PRSS23: variants seen among roughly 807,000 people sequenced by gnomAD.
The protein encoded by PRSS23 is serine protease 23, also known as protease, serine 23.
PRSS23 carries 25 observed loss-of-function variants against 34.7 expected under a neutral mutation model. The ratio of observed to expected loss-of-function variants is 0.72; its 90% CI spans 0.53 to 1.01. The LOEUF (loss-of-function observed/expected upper bound fraction) is 1.01, where lower values mean the gene tolerates loss of function less well. Ranked by LOEUF, PRSS23 falls within the 50% of genes least tolerant of loss-of-function variation. PRSS23 has a pLI of 0.00. For synonymous variants in PRSS23, 176 were observed against 186.6 expected (o/e 0.94, Z 0.46); for missense variants, 445 against 475.6 (o/e 0.94, Z 0.60).
At chr11:86,882,973 A>G (rs1317334874) in intron 2 of PRSS23, among the ~76,000 whole-genome samples, 3 of 152,024 alleles carry the variant, frequency 2.0e-5, no homozygotes, top group Middle Eastern at 3.2e-3. Flanking sequence ...GCTTTTTTTC[A>G]TACACTTTTT....
intron 2 of PRSS23, among the ~76,000 whole-genome samples, chr11:86,895,377 T>C (rs1948867228): frequency 6.6e-6 from 1 of 152,140 alleles, no homozygotes; most frequent in Non-Finnish European, 1.5e-5. Flanking sequence ...GAGCCTATTG[T>C]ATACACAATG....
chr11:86,895,882 G>A (rs1948872002), intron 2 of PRSS23, among the ~76,000 whole-genome samples: 1 of 152,136 alleles, frequency 6.6e-6, no homozygotes. Flanking sequence ...CAGATATGAA[G>A]ATGAATTAAC....
At position 86,839,960 on chromosome 11, in the gene PRSS23, A is replaced by G. The variant is rs577762070; in HGVS notation, c.206+16367A>G. Reference sequence around the variant, plus strand: ...AGAGCTCCTGAAGGAAGCACTAAACATGGAAAGGAACAACCTGTACCAGCC... The same window carrying G: ...AGAGCTCCTGAAGGAAGCACTAAACGTGGAAAGGAACAACCTGTACCAGCC... On this transcript the variant is annotated intron_variant, in intron 2 of 2. Transcript: ENST00000533902. Among the ~76,000 whole-genome samples, 19 of 151,918 alleles carry G rather than the reference A, an allele frequency of 1.3e-4. 1 individual carries two copies. In the East Asian group the frequency reaches 2.7e-3, roughly 22 times the overall value.
chr11:86,812,631 T>C (rs1412982093), downstream of PRSS23, among the ~76,000 whole-genome samples: 1 of 150,066 alleles, frequency 6.7e-6, no homozygotes, highest in Non-Finnish European at 1.5e-5. Flanking sequence ...CTACTAAAAA[T>C]ACAAAAATTG....
At chr11:86,821,435 C>A (rs1948250879) in intron 1 of PRSS23, 4 of 1,558,008 alleles carry the variant, frequency 2.6e-6, no homozygotes, top group Non-Finnish European at 3.5e-6. Flanking sequence ...ACATGCAGCA[C>A]CATCAAGTAT....
chr11:86,881,647 T>C (rs1948772808), intron 2 of PRSS23, among the ~76,000 whole-genome samples: 1 of 152,224 alleles, frequency 6.6e-6, no homozygotes, highest in African/African-American at 2.4e-5. Context: ...TTCTATTTTT[T>C]TGAATAATGT....
At chr11:86,844,295 G>A (rs1948470292) in intron 2 of PRSS23, among the ~76,000 whole-genome samples, 1 of 152,134 alleles carries the variant, frequency 6.6e-6, no homozygotes, top group South Asian at 2.1e-4. Flanking sequence ...ATAGCATTAG[G>A]AGAAATACCT....
At chr11:86,929,968 T>C (rs11234881) in intron 2 of PRSS23, among the ~76,000 whole-genome samples, 2,937 of 152,232 alleles carry the variant, frequency 0.019, 41 homozygotes, top group Non-Finnish European at 0.031. Context: ...AAAAAGTATA[T>C]ACATTAGTAT....
chr11:86,891,316 C>T (rs189403787), intron 2 of PRSS23, among the ~76,000 whole-genome samples: 1 of 152,310 alleles, frequency 6.6e-6, no homozygotes, highest in East Asian at 1.9e-4. Context: ...GTTTTATTGC[C>T]CCCTCAGTAA....
chr11:86,792,911 C>T (rs1057397095), intron 1 of PRSS23, among the ~76,000 whole-genome samples: 3 of 152,188 alleles, frequency 2.0e-5, no homozygotes, highest in Non-Finnish European at 4.4e-5. Context: ...CTCACTTTGT[C>T]ACCCAGGCTG....
chr11:86,912,532 C>G (rs1322151741), intron 2 of PRSS23, among the ~76,000 whole-genome samples: 1 of 152,084 alleles, frequency 6.6e-6, no homozygotes, highest in African/African-American at 2.4e-5. Context: ...GTTCACTAAC[C>G]CTTTCTTCTG....
chr11:86,806,069 G>A (rs563241468), intron 1 of PRSS23, among the ~76,000 whole-genome samples: 7 of 152,148 alleles, frequency 4.6e-5, no homozygotes, highest in Non-Finnish European at 1.0e-4. Flanking sequence ...AGTATTCCTC[G>A]TTGTTGTTTT....
At chr11:86,793,254 TA>T (rs376729747) in intron 1 of PRSS23, among the ~76,000 whole-genome samples, 115 of 152,368 alleles carry the variant, frequency 7.5e-4, no homozygotes, top group African/African-American at 2.7e-3. Context: ...TATCCATATT[TA>T]ACTACCTTTT....
At chr11:86,860,251 G>C (rs931865727) in intron 2 of PRSS23, among the ~76,000 whole-genome samples, 1 of 151,998 alleles carries the variant, frequency 6.6e-6, no homozygotes. Flanking sequence ...TATCCAGTGA[G>C]GGAGAAAATA....
At position 86,834,493 on chromosome 11, in the gene PRSS23, T is replaced by TA. The variant is rs1410572739; in HGVS notation, c.206+10900_206+10901insA. ...TCTTTTGGCTTCAATATCTGCTTGG[T>TA]GATTCCCTTCTATTTTCCTTTCCTT... On this transcript the variant is annotated intron_variant, in intron 2 of 2. Coordinates refer to the PRSS23 transcript ENST00000533902. Among the ~76,000 whole-genome samples the TA allele has an allele frequency of 1.3e-5, 2 of 151,550 alleles. 1 individual carries two copies.
At position 86,821,096 on chromosome 11, in the gene PRSS23, ATTAATG is replaced by A. The variant is rs1285977330; in HGVS notation, c.-11-2275_-11-2270del. On this transcript the variant is annotated intron_variant, in intron 1 of 2. Coordinates refer to the PRSS23 transcript ENST00000533902. Reference sequence around the variant, plus strand: ...TCTAAAATGATATATACAGTACATAATTAATGTTAATTATGTGATCTGTACATTTTT... The same window carrying A: ...TCTAAAATGATATATACAGTACATAATTAATTATGTGATCTGTACATTTTT... 5.2e-4 allele frequency: 233 copies of A among 451,716 alleles called. 1 individual carries two copies. The highest frequency in any genetic ancestry group is 4.5e-3 in the African/African-American group (220 of 48,678). 28.0% of individuals were successfully genotyped at this position (451,716 alleles called of 1,614,324 possible). A position where few individuals can be genotyped will look rare whatever the true frequency, so the allele number is the denominator to read the frequency against.
At chr11:86,804,001 T>C (rs1334881819) in intron 1 of PRSS23, among the ~76,000 whole-genome samples, 1 of 152,194 alleles carries the variant, frequency 6.6e-6, no homozygotes, top group Non-Finnish European at 1.5e-5. Context: ...ACAGACACTA[T>C]AGTCAGCATC....
chr11:86,815,359 G>T (rs1948207737), downstream of PRSS23, among the ~76,000 whole-genome samples: 1 of 152,228 alleles, frequency 6.6e-6, no homozygotes, highest in Non-Finnish European at 1.5e-5. Flanking sequence ...GTAATTTCAT[G>T]AGGACAGAGG....
chr11:86,848,858 C>A (rs1948507937), intron 2 of PRSS23, among the ~76,000 whole-genome samples: 1 of 152,142 alleles, frequency 6.6e-6, no homozygotes, highest in South Asian at 2.1e-4. Context: ...TCAGAGGGAA[C>A]CAAAAGAGGA....
Sources: allele counts gnomAD v4.1 joint callset (sites outside exome capture counted in the v4.1 genomes callset), GRCh38; gene constraint gnomAD v4.1.1; transcripts MANE v1.5; gene names NCBI Gene and HGNC (gene_info 2026-07-23, HGNC 2026-07-21).